Variants in ZFAND4 observed in about 807,000 individuals in gnomAD.
ZFAND4 encodes the protein AN1-type zinc finger protein 4.
ZFAND4 carries 43 observed loss-of-function variants against 64.4 expected under a neutral mutation model. The observed-to-expected ratio is 0.67, with a 90% CI of 0.52 to 0.86. ZFAND4 has a LOEUF of 0.86. ZFAND4 is among the 40% of genes least tolerant of loss of function. The pLI is 0.00. For synonymous variants in ZFAND4, 296 were observed against 305.7 expected, an observed-to-expected ratio of 0.97 and a Z score of 0.33; for missense variants, 929 against 859.8, an observed-to-expected ratio of 1.08 and a Z score of -1.01.
intron 2 of ZFAND4, 131 bp downstream of exon 2, chr10:45,663,410 AG>A (rs1312409018): frequency 3.1e-6 from 2 of 642,254 alleles, no homozygotes; most frequent in Non-Finnish European, 5.1e-6. Context: ...AGGGAGTAGG[AG>A]GGGGTTCATT....
chr10:45,623,165 C>T (rs2045555202), intron 8 of ZFAND4, among the ~76,000 whole-genome samples: 1 of 152,054 alleles, frequency 6.6e-6, no homozygotes, highest in African/African-American at 2.4e-5. Flanking sequence ...TTTGCACTGT[C>T]GATGGAATGA....
At chr10:45,617,941 ATC>A (rs760945228) in intron 9 of ZFAND4, 197 bp downstream of exon 9, 243 of 435,634 alleles carry the variant, frequency 5.6e-4, no homozygotes, top group Non-Finnish European at 8.3e-4. Context: ...ACAAGGAAGG[ATC>A]TGTTTTTGTC....
intron 4 of ZFAND4, chr10:45,648,962 C>T (rs1423429705): frequency 4.1e-6 from 4 of 984,950 alleles, no homozygotes; most frequent in Non-Finnish European, 4.8e-6. Context: ...ATTCCACTTA[C>T]GTTAGATTAA....
intron 4 of ZFAND4, chr10:45,649,912 C>T (rs1397806084): frequency 6.6e-6 from 1 of 152,212 alleles, no homozygotes; most frequent in Non-Finnish European, 1.5e-5. Context: ...CTTTCCTAAA[C>T]CAGCACAGGG....
intron 4 of ZFAND4, 53 bp from the exon 5 acceptor site, chr10:45,648,587 C>T: frequency 6.5e-7 from 1 of 1,548,278 alleles, no homozygotes. Context: ...TTTTATGCAT[C>T]TTGGTACAGT....
intron 5 of ZFAND4, among the ~76,000 whole-genome samples, chr10:45,643,726 T>C (rs2047189190): frequency 6.6e-6 from 1 of 151,446 alleles, no homozygotes; most frequent in South Asian, 2.1e-4. Flanking sequence ...CTAAAAAGAT[T>C]TGAGACTAAA....
At chr10:45,648,894 A>T in intron 4 of ZFAND4, 1 of 954,672 alleles carries the variant, frequency 1.0e-6, no homozygotes. Flanking sequence ...TTTACTATAT[A>T]CTTTCTGCTC....
At chr10:45,654,879 A>C (rs1338426509) in intron 2 of ZFAND4, among the ~76,000 whole-genome samples, 2 of 152,212 alleles carry the variant, frequency 1.3e-5, no homozygotes, top group Non-Finnish European at 2.9e-5. Context: ...TCAGGAAAAG[A>C]GATAAACAAC....
At chr10:45,624,471 C>G (rs916047812) in intron 8 of ZFAND4, 112 bp downstream of exon 8, 51 of 881,320 alleles carry the variant, frequency 5.8e-5, no homozygotes, top group Non-Finnish European at 9.1e-5. Flanking sequence ...ACAGAATTTA[C>G]TCTGTACATG....
At chr10:45,671,696 G>C (rs898813463) in intron 1 of ZFAND4, among the ~76,000 whole-genome samples, 5 of 152,122 alleles carry the variant, frequency 3.3e-5, no homozygotes, top group African/African-American at 7.2e-5. Context: ...GAGTGAGATG[G>C]GGGGAGGGAT....
At chr10:45,658,525 T>C (rs1346641942) in intron 2 of ZFAND4, among the ~76,000 whole-genome samples, 3 of 152,336 alleles carry the variant, frequency 2.0e-5, no homozygotes, top group African/African-American at 7.2e-5. Context: ...ATGTAAATTA[T>C]ATCTTCCTAA....
intron 2 of ZFAND4, among the ~76,000 whole-genome samples, chr10:45,661,991 G>T (rs1245693669): frequency 1.3e-5 from 2 of 151,344 alleles, no homozygotes; most frequent in Non-Finnish European, 2.9e-5. Flanking sequence ...ATGTGAAAAT[G>T]CAGTGAACAA....
At chr10:45,661,941 G>GAA (rs766075300) in intron 2 of ZFAND4, among the ~76,000 whole-genome samples, 23 of 101,060 alleles carry the variant, frequency 2.3e-4, no homozygotes, top group African/African-American at 5.2e-4. Context: ...CCGTCTCGAA[G>GAA]AAAAAAAAAA....
chr10:45,622,612 T>C (rs1465062700), intron 8 of ZFAND4, among the ~76,000 whole-genome samples: 1 of 152,234 alleles, frequency 6.6e-6, no homozygotes, highest in Admixed American at 6.5e-5. Flanking sequence ...AGATTGTGGA[T>C]CTTCAGATAA....
In ZFAND4 at chr10:45,652,972, A is replaced by T. The variant is rs1040718960; in HGVS notation, c.260+12T>A. On this transcript the variant is annotated intron_variant, in intron 3 of 9. Coordinates refer to ENST00000344646, the MANE Select transcript of ZFAND4 (RefSeq NM_174890.4). ...AGTGCCTACAAAACAGCCAATATGC[A>T]ATTACACTCACTTGTAATCATTCAA... 1.3e-6 allele frequency: 2 copies of T among 1,599,338 alleles called. No individual in the cohort carries two copies. The highest frequency in any genetic ancestry group is 1.7e-6 in the Non-Finnish European group (2 of 1,169,924).
At chr10:45,630,585 G>A (rs781371006) in intron 6 of ZFAND4, among the ~76,000 whole-genome samples, 17 of 151,890 alleles carry the variant, frequency 1.1e-4, no homozygotes, top group Non-Finnish European at 1.8e-4. Context: ...AAAATTAGCC[G>A]GGCGTGGTGG....
In ZFAND4 at chr10:45,616,604, G is replaced by T. The variant is rs758115709; in HGVS notation, c.2049-33C>A. ...ACAAAAAAAGTTTACGTGAATAGTT[G>T]TATTTCTATGAAAGGCTCATCTGTC... On this transcript the variant is annotated intron_variant, in intron 9 of 9. Coordinates refer to ENST00000344646, the MANE Select transcript of ZFAND4 (RefSeq NM_174890.4). 3.7e-6 allele frequency: 6 copies of T among 1,611,860 alleles called. No individual in the cohort carries two copies. The Admixed American group carries it at 1.0e-4, about 27-fold the overall frequency.
At chr10:45,657,911 G>A (rs759721755) in intron 2 of ZFAND4, among the ~76,000 whole-genome samples, 1 of 152,112 alleles carries the variant, frequency 6.6e-6, no homozygotes, top group Non-Finnish European at 1.5e-5. Flanking sequence ...CAGATCAGTG[G>A]GTATGATAGG....
At chr10:45,621,557 A>G (rs2045425383) in intron 8 of ZFAND4, among the ~76,000 whole-genome samples, 1 of 152,080 alleles carries the variant, frequency 6.6e-6, no homozygotes, top group African/African-American at 2.4e-5. Context: ...CCTGGCTAAC[A>G]CAGTGAAACC....
Sources: gnomAD v4.1 joint callset for allele counts (sites outside exome capture counted in the v4.1 genomes callset) on GRCh38, gnomAD v4.1.1 for gene constraint, MANE v1.5 for transcripts, NCBI Gene and HGNC (gene_info 2026-07-23, HGNC 2026-07-21) for gene names.